FIRRM: variants seen among roughly 807,000 people sequenced by gnomAD.
The protein encoded by FIRRM is FIGNL1 interacting regulator of recombination and mitosis.
chr1:169,820,070 A>G, the FIRRM span, among the ~76,000 whole-genome samples: 2 of 152,350 alleles, frequency 1.3e-5, no homozygotes, highest in Middle Eastern at 3.4e-3. Flanking sequence ...TGGTAGAGAC[A>G]AAGAGCAAGT....
chr1:169,799,704 A>AC, the FIRRM span, among the ~76,000 whole-genome samples: 1 of 152,060 alleles, frequency 6.6e-6, no homozygotes, highest in African/African-American at 2.4e-5. Context: ...GGCATGCTTC[A>AC]CCACGCCTGG....
At chr1:169,792,630 C>G in the FIRRM span, 1 of 1,599,174 alleles carries the variant, frequency 6.3e-7, no homozygotes, top group Admixed American at 1.8e-5. Flanking sequence ...AATCCTTCAT[C>G]AATTATTTTG....
the FIRRM span, chr1:169,832,396 C>A: frequency 4.2e-5 from 65 of 1,554,344 alleles, no homozygotes; most frequent in Non-Finnish European, 5.7e-5. Flanking sequence ...TCTCTCCTCT[C>A]TCTCTCATGT....
At chr1:169,803,033 T>G in the FIRRM span, 1 of 770,672 alleles carries the variant, frequency 1.3e-6, no homozygotes, top group Non-Finnish European at 2.1e-6. Flanking sequence ...GTAGTTCTGA[T>G]AGACTAAAGT....
chr1:169,847,806 A>C, the FIRRM span: 1 of 1,535,536 alleles, frequency 6.5e-7, no homozygotes, highest in Non-Finnish European at 9.0e-7. Flanking sequence ...CTATCCAGGT[A>C]ATATTGCTTA....
the FIRRM span, chr1:169,850,425 A>T: frequency 2.2e-6 from 2 of 929,534 alleles, no homozygotes; most frequent in South Asian, 1.5e-5. Flanking sequence ...AACCAACCTG[A>T]GTGTCTTCTT....
chr1:169,830,069 A>G, the FIRRM span, among the ~76,000 whole-genome samples: 8 of 152,198 alleles, frequency 5.3e-5, no homozygotes, highest in East Asian at 3.8e-4. Context: ...TACTTAATGT[A>G]TAGTAGGTGC....
At chr1:169,852,559 A>G in the FIRRM span, 15 of 543,604 alleles carry the variant, frequency 2.8e-5, no homozygotes, top group Admixed American at 4.9e-4. Flanking sequence ...TACTTGTTGT[A>G]TACCACATAC....
At chr1:169,816,446 TTCTC>T in the FIRRM span, among the ~76,000 whole-genome samples, 1,915 of 152,334 alleles carry the variant, frequency 0.013, 46 homozygotes, top group African/African-American at 0.043. Flanking sequence ...CATAATTTTT[TTCTC>T]TCTCCAGTCT....
At chr1:169,807,170 A>T in the FIRRM span, among the ~76,000 whole-genome samples, 1 of 152,104 alleles carries the variant, frequency 6.6e-6, no homozygotes, top group Non-Finnish European at 1.5e-5. Context: ...TTAGTTCCTC[A>T]AACATACCAA....
chr1:169,852,947 G>A, the FIRRM span: 1 of 1,614,070 alleles, frequency 6.2e-7, no homozygotes. Context: ...CTCCAAGAAA[G>A]GATGGATAAG....
At chr1:169,791,695 T>C in the FIRRM span, among the ~76,000 whole-genome samples, 1 of 152,214 alleles carries the variant, frequency 6.6e-6, no homozygotes, top group Admixed American at 6.5e-5. Context: ...GTTTTAAGTA[T>C]TATGCAAGAT....
chr1:169,811,107 G>A, the FIRRM span, among the ~76,000 whole-genome samples: 10 of 151,532 alleles, frequency 6.6e-5, no homozygotes, highest in East Asian at 1.9e-4. Context: ...TGATCCACCC[G>A]CCTCGGCCTC....
At chr1:169,836,893 A>T in the FIRRM span, 3 of 1,546,966 alleles carry the variant, frequency 1.9e-6, no homozygotes, top group South Asian at 2.4e-5. Context: ...GACTTGTCTC[A>T]TGTTACTCTT....
At chr1:169,788,861 G>A in the FIRRM span, among the ~76,000 whole-genome samples, 1 of 152,102 alleles carries the variant, frequency 6.6e-6, no homozygotes, top group African/African-American at 2.4e-5. Context: ...TTTTTACATA[G>A]TTTCTTTCAA....
At chr1:169,788,230 A>C in the FIRRM span, among the ~76,000 whole-genome samples, 1 of 152,202 alleles carries the variant, frequency 6.6e-6, no homozygotes, top group African/African-American at 2.4e-5. Context: ...AGTTATACGC[A>C]GATTTTCTTC....
chr1:169,829,355 G>A, the FIRRM span: 2 of 1,613,814 alleles, frequency 1.2e-6, no homozygotes, highest in Non-Finnish European at 1.7e-6. Context: ...AAGAGTAAGG[G>A]GAAAGCTGAG....
chr1:169,795,707 C>T, the FIRRM span: 17 of 985,682 alleles, frequency 1.7e-5, no homozygotes, highest in African/African-American at 2.8e-4. Context: ...GGGCATAGTT[C>T]TGTGGTGTGA....
chr1:169,807,867 A>G, the FIRRM span: 3 of 1,610,546 alleles, frequency 1.9e-6, no homozygotes, highest in African/African-American at 1.3e-5. Context: ...GTGTGAAGAC[A>G]TTCTTTTCTC....
Sources: allele counts gnomAD v4.1 joint callset (sites outside exome capture counted in the v4.1 genomes callset), GRCh38; gene constraint gnomAD v4.1.1; transcripts MANE v1.5; gene names NCBI Gene and HGNC (gene_info 2026-07-23, HGNC 2026-07-21).